Variants in RPH3AL observed in about 807,000 individuals in gnomAD.
The protein encoded by RPH3AL is rabphilin 3A like (without C2 domains).
RPH3AL carries 38 observed loss-of-function variants against 43.1 expected under a neutral mutation model. That is an observed-to-expected ratio of 0.88 (90% CI 0.68 to 1.15). RPH3AL has a LOEUF of 1.15. Ranked by LOEUF, RPH3AL falls within the 50% of genes most tolerant of loss-of-function variation. The pLI, the probability that RPH3AL is intolerant of heterozygous loss-of-function variation, is 0.00. For synonymous variants in RPH3AL, 189 were observed against 176.3 expected, an observed-to-expected ratio of 1.07 and a Z score of -0.57; for missense variants, 462 against 423.2, an observed-to-expected ratio of 1.09 and a Z score of -0.81.
intron 7 of RPH3AL, among the ~76,000 whole-genome samples, chr17:233,683 GGTCT>G (rs2041283542): frequency 6.6e-6 from 1 of 152,166 alleles, no homozygotes; most frequent in African/African-American, 2.4e-5. Flanking sequence ...CACCCCTATT[GGTCT>G]GTCTTCTTTC....
chr17:251,490 C>A (rs1450114593), intron 6 of RPH3AL, among the ~76,000 whole-genome samples: 2 of 152,184 alleles, frequency 1.3e-5, no homozygotes, highest in African/African-American at 2.4e-5. Flanking sequence ...CACGGAAGGC[C>A]CCAGAGTCTC....
At chr17:350,510 C>T (rs2045332237) in intron 1 of RPH3AL, among the ~76,000 whole-genome samples, 1 of 152,138 alleles carries the variant, frequency 6.6e-6, no homozygotes, top group Non-Finnish European at 1.5e-5. Flanking sequence ...ACTCAGGAGG[C>T]TGAGGCAGGG....
intron 5 of RPH3AL, among the ~76,000 whole-genome samples, chr17:294,843 G>A (rs1416312532): frequency 3.2e-5 from 2 of 62,454 alleles, no homozygotes; most frequent in South Asian, 9.2e-4. Flanking sequence ...TGGACAGAGG[G>A]AATGCACATC....
chr17:308,747 T>C (rs749221040), intron 5 of RPH3AL, among the ~76,000 whole-genome samples: 1 of 152,200 alleles, frequency 6.6e-6, no homozygotes, highest in Non-Finnish European at 1.5e-5. Flanking sequence ...GCATTTCTAA[T>C]GAACATCCAG....
Position 327,549 on chromosome 17 carries a change from G to A in RPH3AL, c.-6C>T, listed in dbSNP as rs182282019. 1,619 of 1,613,438 alleles carry A rather than the reference G, an allele frequency of 1.0e-3. 6 individuals carry two copies. The highest frequency in any genetic ancestry group is 9.8e-3 in the East Asian group (440 of 44,874). On this transcript the variant is annotated 5_prime_UTR_variant, in exon 3 of 10. Coordinates refer to ENST00000331302, the MANE Select transcript of RPH3AL (RefSeq NM_006987.4). Reference sequence around the variant, plus strand: ...CCGAAGATGGTGTCGGCCATGGCTCGGAGCACCCGGCTGGGGGTGGGGAGT... The same window carrying A: ...CCGAAGATGGTGTCGGCCATGGCTCAGAGCACCCGGCTGGGGGTGGGGAGT...
At chr17:310,744 C>T (rs1373314949) in intron 5 of RPH3AL, among the ~76,000 whole-genome samples, 1 of 152,218 alleles carries the variant, frequency 6.6e-6, no homozygotes, top group Non-Finnish European at 1.5e-5. Flanking sequence ...ATCCGCATGG[C>T]TCCTGACACC....
intron 1 of RPH3AL, among the ~76,000 whole-genome samples, chr17:341,712 T>A (rs2045123871): frequency 6.6e-6 from 1 of 152,170 alleles, no homozygotes; most frequent in Non-Finnish European, 1.5e-5. Flanking sequence ...ACAAATTGGA[T>A]TTTTTATCAT....
intron 6 of RPH3AL, among the ~76,000 whole-genome samples, chr17:253,345 G>A (rs934571711): frequency 1.3e-5 from 2 of 152,112 alleles, no homozygotes; most frequent in Non-Finnish European, 2.9e-5. Flanking sequence ...TGAGTCTTCA[G>A]GGGAAGAGAC....
At chr17:331,433 G>A (rs569305912) in intron 2 of RPH3AL, 10 of 522,246 alleles carry the variant, frequency 1.9e-5, no homozygotes, top group Admixed American at 4.2e-5. Context: ...AGCAAAGGTC[G>A]GACATGAGGA....
At chr17:332,398 C>A in intron 2 of RPH3AL, 1 of 175,488 alleles carries the variant, frequency 5.7e-6, no homozygotes, top group Non-Finnish European at 1.2e-5. Context: ...GGAGCCCGCC[C>A]AGAAGTGTTC....
chr17:324,696 TAG>T (rs2044570874), intron 3 of RPH3AL, among the ~76,000 whole-genome samples: 1 of 151,076 alleles, frequency 6.6e-6, no homozygotes, highest in African/African-American at 2.4e-5. Context: ...TCTATCTAGC[TAG>T]CTAGCTATGT....
At chr17:324,974 T>C (rs1208221274) in intron 3 of RPH3AL, among the ~76,000 whole-genome samples, 2 of 152,188 alleles carry the variant, frequency 1.3e-5, no homozygotes, top group African/African-American at 4.8e-5. Flanking sequence ...TCCACCTGCC[T>C]CAGCCTCCCA....
chr17:329,892 C>T (rs373170820), intron 2 of RPH3AL, among the ~76,000 whole-genome samples: 1 of 152,186 alleles, frequency 6.6e-6, no homozygotes, highest in African/African-American at 2.4e-5. Flanking sequence ...TGATATTGCA[C>T]CCAAACTCAA....
At chr17:286,552 C>A (rs1188715967) in intron 5 of RPH3AL, among the ~76,000 whole-genome samples, 1 of 152,202 alleles carries the variant, frequency 6.6e-6, no homozygotes, top group East Asian at 1.9e-4. Context: ...CAGTCATGGG[C>A]CTCTTCCAAT....
intron 5 of RPH3AL, among the ~76,000 whole-genome samples, chr17:301,339 T>C (rs1399022539): frequency 2.6e-5 from 4 of 152,242 alleles, no homozygotes; most frequent in Non-Finnish European, 4.4e-5. Flanking sequence ...GGTCTCACGC[T>C]GTCACCTAGG....
intron 7 of RPH3AL, among the ~76,000 whole-genome samples, chr17:222,735 G>A (rs1183301743): frequency 6.6e-6 from 1 of 152,130 alleles, no homozygotes; most frequent in Non-Finnish European, 1.5e-5. Flanking sequence ...CATTGTCTGT[G>A]ACCCCAGGTG....
At chr17:329,052 G>C (rs1433354373) in intron 2 of RPH3AL, among the ~76,000 whole-genome samples, 3 of 152,104 alleles carry the variant, frequency 2.0e-5, no homozygotes, top group Admixed American at 1.3e-4. Flanking sequence ...ATTAGACAGT[G>C]GTGATGGTCA....
chr17:227,928 G>A (rs536099699), intron 7 of RPH3AL, among the ~76,000 whole-genome samples: 7 of 152,244 alleles, frequency 4.6e-5, no homozygotes, highest in Non-Finnish European at 8.8e-5. Context: ...CCCTGGGAGT[G>A]TAGACACTCC....
At chr17:321,697 A>T in intron 3 of RPH3AL, 1 of 398,472 alleles carries the variant, frequency 2.5e-6, no homozygotes, top group East Asian at 4.2e-5. Context: ...GCCGGGGACA[A>T]GGCACATGGG....
Sources: gnomAD v4.1 joint callset for allele counts (sites outside exome capture counted in the v4.1 genomes callset) on GRCh38, gnomAD v4.1.1 for gene constraint, MANE v1.5 for transcripts, NCBI Gene and HGNC (gene_info 2026-07-23, HGNC 2026-07-21) for gene names.